Variants in SSBP2 observed in about 807,000 individuals in gnomAD.
SSBP2 encodes the protein single-stranded DNA-binding protein 2.
In SSBP2, 17 loss-of-function variants were observed where a neutral mutation model predicts 61.8. The observed-to-expected ratio is 0.28, with a 90% CI of 0.19 to 0.41. The LOEUF is 0.41. Ranked by LOEUF, SSBP2 falls within the 10% of genes least tolerant of loss-of-function variation. The probability of loss-of-function intolerance (pLI) is 1.00; values close to 1 mark genes in which losing one functional copy is unlikely to be tolerated. For synonymous variants in SSBP2, 139 were observed against 141.3 expected, an observed-to-expected ratio of 0.98 and a Z score of 0.12; for missense variants, 310 against 458.7, an observed-to-expected ratio of 0.68 and a Z score of 2.96.
intron 1 of SSBP2, among the ~76,000 whole-genome samples, chr5:81,711,391 C>T (rs949639034): frequency 1.3e-5 from 2 of 151,968 alleles, no homozygotes; most frequent in Non-Finnish European, 2.9e-5. Context: ...AAAAAAGAAA[C>T]ATTTTCCTAC....
chr5:81,430,531 A>T (rs1762220048), intron 15 of SSBP2, among the ~76,000 whole-genome samples: 1 of 152,192 alleles, frequency 6.6e-6, no homozygotes, highest in Admixed American at 6.5e-5. Flanking sequence ...TCATTTCTTG[A>T]TTTATAATTC....
chr5:81,531,006 C>G (rs1019442250), intron 4 of SSBP2, among the ~76,000 whole-genome samples: 1 of 152,002 alleles, frequency 6.6e-6, no homozygotes, highest in African/African-American at 2.4e-5. Context: ...CTGCTTGCAT[C>G]CAGTTCAGTC....
chr5:81,663,920 A>T (rs1340871389), intron 1 of SSBP2, among the ~76,000 whole-genome samples: 3 of 152,214 alleles, frequency 2.0e-5, no homozygotes, highest in Non-Finnish European at 4.4e-5. Flanking sequence ...AAAATAAGGC[A>T]TGCAAATTAA....
At chr5:81,502,520 C>CA (rs1428186085) in intron 5 of SSBP2, among the ~76,000 whole-genome samples, 1 of 152,302 alleles carries the variant, frequency 6.6e-6, no homozygotes, top group East Asian at 1.9e-4. Flanking sequence ...TAGTGACTCT[C>CA]AGAGTTCTCT....
intron 1 of SSBP2, among the ~76,000 whole-genome samples, chr5:81,742,152 C>T (rs1757065799): frequency 6.6e-6 from 1 of 152,052 alleles, no homozygotes; most frequent in Admixed American, 6.5e-5. Flanking sequence ...AAACAAAATA[C>T]TATACATTAA....
At chr5:81,615,628 T>G in intron 3 of SSBP2, 71 bp from the exon 4 acceptor site, 1 of 1,008,394 alleles carries the variant, frequency 9.9e-7, no homozygotes, top group African/African-American at 1.6e-5. Context: ...ATTCCAAAAG[T>G]AGAAGACATG....
intron 11 of SSBP2, among the ~76,000 whole-genome samples, chr5:81,447,505 G>C (rs888192305): frequency 1.3e-5 from 2 of 152,236 alleles, no homozygotes; most frequent in African/African-American, 4.8e-5. Context: ...ATGGCGATTA[G>C]GTAATTCTAA....
intron 1 of SSBP2, among the ~76,000 whole-genome samples, chr5:81,669,643 GGCCT>G: frequency 6.6e-6 from 1 of 152,068 alleles, no homozygotes; most frequent in Non-Finnish European, 1.5e-5. Context: ...CACACACCAC[GGCCT>G]GTTGGGGGAT....
At chr5:81,446,661 C>CT (rs1763420141) in intron 12 of SSBP2, among the ~76,000 whole-genome samples, 1 of 152,184 alleles carries the variant, frequency 6.6e-6, no homozygotes, top group Non-Finnish European at 1.5e-5. Context: ...CTAATTAAAT[C>CT]TGACACCCAC....
intron 1 of SSBP2, among the ~76,000 whole-genome samples, chr5:81,727,589 T>C (rs1451898051): frequency 6.6e-6 from 1 of 152,144 alleles, no homozygotes; most frequent in Non-Finnish European, 1.5e-5. Context: ...AAATCATGAC[T>C]ACAACTATTA....
chr5:81,550,163 T>C (rs1580995857), intron 4 of SSBP2, among the ~76,000 whole-genome samples: 2 of 152,350 alleles, frequency 1.3e-5, no homozygotes. Flanking sequence ...CGAACGTTAA[T>C]AGTAATTAAC....
At chr5:81,538,071 G>T (rs1770952487) in intron 4 of SSBP2, among the ~76,000 whole-genome samples, 1 of 152,100 alleles carries the variant, frequency 6.6e-6, no homozygotes, top group African/African-American at 2.4e-5. Flanking sequence ...AGTGAGTAAG[G>T]CACGTCAAAA....
intron 4 of SSBP2, among the ~76,000 whole-genome samples, chr5:81,587,511 C>T (rs1775147191): frequency 6.6e-6 from 1 of 152,140 alleles, no homozygotes; most frequent in Admixed American, 6.5e-5. Context: ...GCAGGCGGCT[C>T]ACTTGACCAG....
At chr5:81,719,752 T>C (rs554390727) in intron 1 of SSBP2, among the ~76,000 whole-genome samples, 2 of 152,112 alleles carry the variant, frequency 1.3e-5, no homozygotes, top group African/African-American at 2.4e-5. Flanking sequence ...GGGGAAAGCA[T>C]GGCACAAGCC....
intron 4 of SSBP2, among the ~76,000 whole-genome samples, chr5:81,542,935 A>T (rs572582025): frequency 2.7e-5 from 4 of 150,348 alleles, no homozygotes; most frequent in Non-Finnish European, 5.9e-5. Flanking sequence ...ACTCACTGCA[A>T]CCTCTGCCTC....
At chr5:81,459,158 A>G (rs1428256566) in intron 10 of SSBP2, among the ~76,000 whole-genome samples, 1 of 152,186 alleles carries the variant, frequency 6.6e-6, no homozygotes, top group Non-Finnish European at 1.5e-5. Context: ...AAAATAATGC[A>G]TAACTGCTAG....
intron 1 of SSBP2, among the ~76,000 whole-genome samples, chr5:81,659,646 C>G (rs1245748030): frequency 1.3e-5 from 2 of 151,954 alleles, no homozygotes; most frequent in East Asian, 3.9e-4. Flanking sequence ...ACTTTCTTCA[C>G]AGAACTAAAA....
At chr5:81,569,111 G>C (rs1346302652) in intron 4 of SSBP2, among the ~76,000 whole-genome samples, 1 of 152,156 alleles carries the variant, frequency 6.6e-6, no homozygotes, top group Admixed American at 6.5e-5. Flanking sequence ...GGGGCAGGAA[G>C]TATCTTTAAT....
At chr5:81,531,370 G>A (rs1347488433) in intron 4 of SSBP2, among the ~76,000 whole-genome samples, 1 of 151,848 alleles carries the variant, frequency 6.6e-6, no homozygotes, top group Non-Finnish European at 1.5e-5. Context: ...TTAATTGTGG[G>A]CTTATATACC....
Sources: gnomAD v4.1 joint callset for allele counts (sites outside exome capture counted in the v4.1 genomes callset) on GRCh38, gnomAD v4.1.1 for gene constraint, MANE v1.5 for transcripts, NCBI Gene and HGNC (gene_info 2026-07-23, HGNC 2026-07-21) for gene names.